The following PCDH11X variants were observed in gnomAD, a reference collection of about 807,000 sequenced individuals.
PCDH11X encodes protocadherin-11 X-linked.
Under a neutral mutation model 53.3 loss-of-function variants are expected in PCDH11X, and 18 were observed. That is an observed-to-expected ratio of 0.34 (90% confidence interval 0.23 to 0.50). PCDH11X has a LOEUF of 0.50. Among genes scored for constraint, PCDH11X ranks in the 20% least tolerant of loss-of-function variants. The probability of loss-of-function intolerance (pLI) is 0.98; values close to 1 mark genes in which losing one functional copy is unlikely to be tolerated. For synonymous variants in PCDH11X, 279 were observed against 393.3 expected (o/e 0.71, Z 3.44); for missense variants, 570 against 1,032.4 (o/e 0.55, Z 6.14).
intron 6 of PCDH11X, among the ~76,000 whole-genome samples, chrX:92,019,184 C>T (rs1331611204): frequency 2.8e-5 from 3 of 108,654 alleles, no homozygotes; most frequent in Non-Finnish European, 3.8e-5. Context: ...TCTTGGCCCC[C>T]GGTGACCCCA....
At chrX:92,111,826 G>A (rs186340415) in intron 6 of PCDH11X, among the ~76,000 whole-genome samples, 2 of 109,512 alleles carry the variant, frequency 1.8e-5, no homozygotes, top group African/African-American at 6.7e-5. Flanking sequence ...GGCCGATCTC[G>A]GCTCACTGCA....
intron 6 of PCDH11X, among the ~76,000 whole-genome samples, chrX:92,088,492 T>C (rs772504924): frequency 3.6e-5 from 4 of 110,640 alleles, no homozygotes; most frequent in African/African-American, 1.3e-4. Context: ...ATAATTCTCA[T>C]TTTCAATAAG....
At chrX:91,926,084 A>G (rs868739515) in intron 6 of PCDH11X, among the ~76,000 whole-genome samples, 87 of 65,333 alleles carry the variant, frequency 1.3e-3, no homozygotes, top group African/African-American at 4.0e-3. Context: ...ACGCACACAC[A>G]CACACACACA....
chrX:92,299,676 G>A (rs1017626081), intron 8 of PCDH11X, among the ~76,000 whole-genome samples: 6 of 110,960 alleles, frequency 5.4e-5, no homozygotes, highest in Admixed American at 9.6e-5. Flanking sequence ...TGAAATTTCC[G>A]ATTGTGTTTA....
intron 10 of PCDH11X, among the ~76,000 whole-genome samples, chrX:92,488,614 C>A (rs2073693830): frequency 9.1e-6 from 1 of 110,278 alleles, no homozygotes; most frequent in Non-Finnish European, 1.9e-5. Flanking sequence ...TATATTTATA[C>A]CTCTATCTAT....
intron 8 of PCDH11X, among the ~76,000 whole-genome samples, chrX:92,269,220 A>T (rs998824515): frequency 1.8e-5 from 2 of 111,754 alleles, no homozygotes; most frequent in Admixed American, 1.9e-4. Flanking sequence ...ATTCTGTCTC[A>T]TCATTGTTAT....
At chrX:92,102,252 T>C (rs1357476423) in intron 6 of PCDH11X, among the ~76,000 whole-genome samples, 2 of 111,023 alleles carry the variant, frequency 1.8e-5, no homozygotes, top group African/African-American at 3.3e-5. Flanking sequence ...TTGGAAGTTA[T>C]GAGAAATGTA....
intron 10 of PCDH11X, among the ~76,000 whole-genome samples, chrX:92,586,538 T>G (rs1924400849): frequency 9.6e-6 from 1 of 104,162 alleles, no homozygotes; most frequent in Non-Finnish European, 2.0e-5. Flanking sequence ...TAGCAACATT[T>G]AATGATACTT....
At chrX:92,522,061 G>A (rs1412623143) in intron 10 of PCDH11X, among the ~76,000 whole-genome samples, 1 of 112,129 alleles carries the variant, frequency 8.9e-6, no homozygotes, top group Non-Finnish European at 1.9e-5. Flanking sequence ...GTGTTAACTG[G>A]AATATAACTT....
intron 9 of PCDH11X, among the ~76,000 whole-genome samples, chrX:92,464,696 TCTA>T (rs1292453520): frequency 3.6e-5 from 4 of 111,553 alleles, no homozygotes; most frequent in Non-Finnish European, 7.5e-5. Context: ...CTCTATGCAA[TCTA>T]CACAAGTACA....
intron 10 of PCDH11X, among the ~76,000 whole-genome samples, chrX:92,503,469 TCAA>T (rs1245381388): frequency 2.8e-5 from 3 of 107,280 alleles, no homozygotes; most frequent in Admixed American, 9.9e-5. Context: ...AGTCATAGAA[TCAA>T]CCTAAACGCC....
intron 8 of PCDH11X, among the ~76,000 whole-genome samples, chrX:92,271,391 CACAA>C (rs1184853838): frequency 9.0e-6 from 1 of 111,565 alleles, no homozygotes; most frequent in Non-Finnish European, 1.9e-5. Flanking sequence ...GCAAAAAAGG[CACAA>C]ACAAAGCAAG....
chrX:92,041,964 G>A (rs35660398), intron 6 of PCDH11X, among the ~76,000 whole-genome samples: 4 of 111,825 alleles, frequency 3.6e-5, no homozygotes, highest in South Asian at 3.6e-4. Flanking sequence ...GCGAGACTCC[G>A]TCTCAAAAAA....
chrX:92,346,624 T>G (rs2069903211), intron 8 of PCDH11X, among the ~76,000 whole-genome samples: 1 of 112,059 alleles, frequency 8.9e-6, no homozygotes, highest in African/African-American at 3.2e-5. Context: ...CAATCAACAT[T>G]TAATAATAAA....
intron 8 of PCDH11X, among the ~76,000 whole-genome samples, chrX:92,299,588 T>G (rs2068679269): frequency 8.9e-6 from 1 of 111,835 alleles, no homozygotes; most frequent in Non-Finnish European, 1.9e-5. Context: ...TTTTTTAGTT[T>G]GTGTGCATAC....
At chrX:91,971,331 G>A (rs2061957134) in intron 6 of PCDH11X, among the ~76,000 whole-genome samples, 1 of 108,787 alleles carries the variant, frequency 9.2e-6, no homozygotes, top group Admixed American at 9.9e-5. Context: ...TGGTGTTTTA[G>A]CAAAGTTGAA....
At chrX:92,587,195 T>C (rs759334572) in intron 10 of PCDH11X, among the ~76,000 whole-genome samples, 1 of 110,920 alleles carries the variant, frequency 9.0e-6, no homozygotes, top group African/African-American at 3.3e-5. Flanking sequence ...AAGACCTTTA[T>C]CATATGAAAT....
At position 92,535,509 on chromosome X, in the gene PCDH11X, C is replaced by G. The variant is rs551843242; in HGVS notation, c.3367+67187C>G. Among the ~76,000 whole-genome samples the G allele has an allele frequency of 3.0e-4, 33 of 110,383 alleles. 1 individual carries two copies. The South Asian group carries it at 0.013, about 43-fold the overall frequency. Reference sequence around the variant, plus strand: ...ACATATAGAGGGGAAAAACAGACACCGGGGCATATCGGAAGGTAAAGGGTG... The same window carrying G: ...ACATATAGAGGGGAAAAACAGACACGGGGGCATATCGGAAGGTAAAGGGTG... On this transcript the variant is annotated intron_variant, in intron 10 of 10. Coordinates refer to ENST00000682573, the MANE Select transcript of PCDH11X (RefSeq NM_032968.5).
chrX:92,612,569 A>C (rs1305135494), intron 10 of PCDH11X, among the ~76,000 whole-genome samples: 1 of 107,964 alleles, frequency 9.3e-6, no homozygotes, highest in Non-Finnish European at 1.9e-5. Context: ...TATTGAGACT[A>C]TGCTTTATAT....
Sources: allele counts gnomAD v4.1 joint callset (sites outside exome capture counted in the v4.1 genomes callset), GRCh38; gene constraint gnomAD v4.1.1; transcripts MANE v1.5; gene names NCBI Gene and HGNC (gene_info 2026-07-23, HGNC 2026-07-21).